Variants in DOCK3 observed in about 807,000 individuals in gnomAD.
The protein encoded by DOCK3 is dedicator of cytokinesis protein 3.
DOCK3 carries 60 observed loss-of-function variants against 265.6 expected under a neutral mutation model. The ratio of observed to expected loss-of-function variants is 0.23; its 90% CI spans 0.18 to 0.28. The LOEUF (loss-of-function observed/expected upper bound fraction) is 0.28. Ranked by LOEUF, DOCK3 falls within the 10% of genes least tolerant of loss-of-function variation. The pLI, the probability that DOCK3 is intolerant of heterozygous loss-of-function variation, is 1.00. For synonymous variants in DOCK3, 881 were observed against 938.0 expected (o/e 0.94, Z 1.11); for missense variants, 1,981 against 2,594.3 (o/e 0.76, Z 5.14).
At chr3:50,817,458 T>G (rs2044151468) in intron 2 of DOCK3, among the ~76,000 whole-genome samples, 1 of 151,550 alleles carries the variant, frequency 6.6e-6, no homozygotes, top group Non-Finnish European at 1.5e-5. Context: ...TGCCAACTAA[T>G]TAAATTTTTT....
chr3:50,954,508 T>C (rs577240037), intron 5 of DOCK3, among the ~76,000 whole-genome samples: 1 of 152,292 alleles, frequency 6.6e-6, no homozygotes, highest in South Asian at 2.1e-4. Flanking sequence ...AAATAAAGCC[T>C]TTCTGATGGG....
At chr3:51,208,367 T>C (rs2089332528) in intron 12 of DOCK3, among the ~76,000 whole-genome samples, 1 of 152,218 alleles carries the variant, frequency 6.6e-6, no homozygotes, top group African/African-American at 2.4e-5. Flanking sequence ...TGTATGACAG[T>C]AAAAAACCAA....
chr3:50,733,902 G>A (rs2038391941), intron 1 of DOCK3, among the ~76,000 whole-genome samples: 1 of 151,414 alleles, frequency 6.6e-6, no homozygotes, highest in African/African-American at 2.4e-5. Context: ...TTTGCTTTGT[G>A]GCTGGCTGAG....
intron 3 of DOCK3, among the ~76,000 whole-genome samples, chr3:50,850,722 G>A (rs2046318817): frequency 6.6e-6 from 1 of 152,064 alleles, no homozygotes; most frequent in Non-Finnish European, 1.5e-5. Flanking sequence ...CTCAGGATGT[G>A]CAATAGTAGA....
intron 16 of DOCK3, 123 bp downstream of exon 16, chr3:51,227,568 T>TAATACTTGGCTCTGATTACAGCAAAGG: frequency 1.5e-6 from 2 of 1,367,592 alleles, no homozygotes; most frequent in African/African-American, 2.9e-5. Context: ...AATAAACAGC[T>TAATACTTGGCTCTGATTACAGCAAAGG]ACTCAGAGAT....
At chr3:51,111,683 A>C (rs1312111912) in intron 9 of DOCK3, among the ~76,000 whole-genome samples, 1 of 152,190 alleles carries the variant, frequency 6.6e-6, no homozygotes, top group African/African-American at 2.4e-5. Context: ...AAAACACCAA[A>C]AGCAATTGCA....
intron 9 of DOCK3, among the ~76,000 whole-genome samples, chr3:51,126,171 C>T (rs556489140): frequency 1.3e-5 from 2 of 152,234 alleles, no homozygotes; most frequent in East Asian, 3.9e-4. Flanking sequence ...AAATTGGTTT[C>T]TTCAACCTTC....
At chr3:50,877,338 C>G in intron 3 of DOCK3, 1 of 416,958 alleles carries the variant, frequency 2.4e-6, no homozygotes, top group African/African-American at 2.1e-5. Context: ...CTCAGTTGAA[C>G]TTCTTTCAGC....
intron 32 of DOCK3, among the ~76,000 whole-genome samples, chr3:51,320,027 C>A (rs1281959730): frequency 2.6e-5 from 4 of 152,038 alleles, no homozygotes; most frequent in Non-Finnish European, 5.9e-5. Context: ...TGTTAGAGGG[C>A]TGGCAAGATG....
At chr3:50,980,320 G>C (rs916138881) in intron 5 of DOCK3, among the ~76,000 whole-genome samples, 8 of 152,086 alleles carry the variant, frequency 5.3e-5, no homozygotes, top group Non-Finnish European at 7.4e-5. Flanking sequence ...TTTGACTATG[G>C]CTTATTATCT....
intron 9 of DOCK3, among the ~76,000 whole-genome samples, chr3:51,106,307 T>C (rs2083277331): frequency 6.6e-6 from 1 of 152,212 alleles, no homozygotes; most frequent in Non-Finnish European, 1.5e-5. Context: ...TCATAGCTCC[T>C]GCACTGGCAG....
chr3:50,794,303 G>C (rs1182375380), intron 2 of DOCK3, among the ~76,000 whole-genome samples: 1 of 152,152 alleles, frequency 6.6e-6, no homozygotes, highest in African/African-American at 2.4e-5. Context: ...TTTCTGCCTT[G>C]ATGATCTATT....
In DOCK3 at chr3:51,374,458, C is replaced by T; in HGVS notation, c.5294-11C>T. On this transcript the variant is annotated splice_polypyrimidine_tract_variant and intron_variant, in intron 49 of 52. Coordinates refer to ENST00000266037, the MANE Select transcript of DOCK3 (RefSeq NM_004947.5). This position sits in a 1 kb window ranked among gnomAD's most constrained non-coding sequence, Gnocchi z 4.8. ...TGTCATCTGTGCTTGATTGTTCTCA[C>T]TTGGTTACAGGCTCTCCCTCTCTGC... 6.2e-7 allele frequency: 1 copy of T among 1,609,068 alleles called. No homozygotes were observed. Among genetic ancestry groups the T allele is most frequent in the Non-Finnish European group, 8.5e-7 (1 of 1,177,700 alleles).
At chr3:50,811,946 T>C (rs1352415746) in intron 2 of DOCK3, among the ~76,000 whole-genome samples, 1 of 152,206 alleles carries the variant, frequency 6.6e-6, no homozygotes, top group Non-Finnish European at 1.5e-5. Context: ...AACTGCTACC[T>C]GTAGGGCTGA....
chr3:51,307,066 C>G (rs1331064961), intron 27 of DOCK3, among the ~76,000 whole-genome samples: 1 of 152,076 alleles, frequency 6.6e-6, no homozygotes, highest in Non-Finnish European at 1.5e-5. Context: ...CTTTTTATTG[C>G]TTTATGTTGT....
In DOCK3 at chr3:51,270,919, C is replaced by T. The variant is rs148703405; in HGVS notation, c.2460C>T (p.Pro820=). ...TGAGAGGGACACTGGGGAGCATGCC[C>T]AGCACTGTGCACATTGGGCAGTCAA... The part of the protein sequence containing the change: ...EFVRGTLGSM[P]STVHIGQSMD... The change falls in exon 24 of 53, where the codon CCC becomes CCT. Residue 820 remains proline (P), a synonymous_variant. Transcript: ENST00000266037. The T allele has an allele frequency of 8.7e-6, 14 of 1,613,998 alleles. No individual in the cohort carries two copies. In the African/African-American group the frequency reaches 1.9e-4, roughly 22 times the overall value.
At chr3:51,170,835 C>T (rs557739640) in intron 12 of DOCK3, among the ~76,000 whole-genome samples, 5 of 150,308 alleles carry the variant, frequency 3.3e-5, no homozygotes, top group East Asian at 2.0e-4. Context: ...CCCAGCTACT[C>T]GGGAGGCTGA....
intron 1 of DOCK3, among the ~76,000 whole-genome samples, chr3:50,771,357 A>G (rs1002542197): frequency 6.6e-6 from 1 of 152,238 alleles, no homozygotes; most frequent in African/African-American, 2.4e-5. Context: ...GCTCAACATC[A>G]TTGATCATCA....
chr3:51,138,264 A>C (rs2084897671), intron 9 of DOCK3, among the ~76,000 whole-genome samples: 1 of 152,368 alleles, frequency 6.6e-6, no homozygotes, highest in South Asian at 2.1e-4. Context: ...AATAGTTTGA[A>C]TATTAATGGA....
Sources: gnomAD v4.1 joint callset for allele counts (sites outside exome capture counted in the v4.1 genomes callset) on GRCh38, gnomAD v4.1.1 for gene constraint, Gnocchi (gnomAD v3.1) non-coding constraint, MANE v1.5 for transcripts, NCBI Gene and HGNC (gene_info 2026-07-23, HGNC 2026-07-21) for gene names.